Variants in RPTOR observed in about 807,000 individuals in gnomAD.
RPTOR encodes regulatory-associated protein of mTOR.
Under a neutral mutation model 169.9 loss-of-function variants are expected in RPTOR, and 21 were observed. That is an observed-to-expected ratio of 0.12 (90% CI 0.09 to 0.18). The LOEUF (loss-of-function observed/expected upper bound fraction) is 0.18. Ranked by LOEUF, RPTOR falls within the 10% of genes least tolerant of loss-of-function variation. RPTOR has a pLI of 1.00. For missense variants in RPTOR, 1,133 were observed against 1,855.9 expected, an observed-to-expected ratio of 0.61 and a Z score of 7.16; for synonymous variants, 732 against 753.2, an observed-to-expected ratio of 0.97 and a Z score of 0.46.
At chr17:80,862,954 G>A (rs527758591) in intron 13 of RPTOR, among the ~76,000 whole-genome samples, 2 of 152,310 alleles carry the variant, frequency 1.3e-5, no homozygotes, top group East Asian at 3.9e-4. Flanking sequence ...GTTTGAGAAG[G>A]ATCGGAGCCC....
intron 30 of RPTOR, 74 bp from the exon 31 acceptor site, chr17:80,961,320 T>C: frequency 3.5e-6 from 5 of 1,413,182 alleles, no homozygotes; most frequent in Non-Finnish European, 4.8e-6. Context: ...CCTGGGCAGC[T>C]CCCGGTGAGA....
At chr17:80,914,041 G>A (rs370597986) in intron 21 of RPTOR, among the ~76,000 whole-genome samples, 13 of 152,364 alleles carry the variant, frequency 8.5e-5, no homozygotes, top group South Asian at 6.2e-4. Flanking sequence ...GTGCATGTGC[G>A]CTGGCCGCTG....
At chr17:80,928,028 G>A (rs934200499) in intron 24 of RPTOR, among the ~76,000 whole-genome samples, 11 of 152,214 alleles carry the variant, frequency 7.2e-5, no homozygotes, top group African/African-American at 2.6e-4. Flanking sequence ...ATGAGTAAAT[G>A]ATTGTCTTCC....
chr17:80,778,767 C>G (rs1486037482), intron 6 of RPTOR, among the ~76,000 whole-genome samples: 1 of 152,148 alleles, frequency 6.6e-6, no homozygotes, highest in African/African-American at 2.4e-5. Context: ...CCACTGCACT[C>G]CAGCCCACAC....
chr17:80,954,790 G>A (rs1342069344), intron 28 of RPTOR, among the ~76,000 whole-genome samples: 2 of 152,276 alleles, frequency 1.3e-5, no homozygotes, highest in Non-Finnish European at 2.9e-5. Context: ...GGTGGCAGGT[G>A]CCTGTAATCC....
At position 80,947,227 on chromosome 17, in the gene RPTOR, CT is replaced by C; in HGVS notation, c.3145del (p.Trp1049GlyfsTer28). ...TTTATTCCTCTCTTCTTCCCTTAAG[CT>C]TTTGGGACTGGGAGAAAGGGGAGAA... is the stretch of plus-strand genomic sequence containing the variant. ...IAVADKDSIC[F>X]WDWEKGEKLD... is the part of the protein sequence containing the mutation. On this transcript the variant is annotated frameshift_variant and splice_region_variant, in exon 27 of 34. Coordinates refer to ENST00000306801, the MANE Select transcript of RPTOR (RefSeq NM_020761.3). LOFTEE classifies it high-confidence loss of function. This position sits in a 1 kb window ranked among gnomAD's most constrained non-coding sequence, Gnocchi z 4.4. 1 of 1,590,436 alleles carries C rather than the reference CT, an allele frequency of 6.3e-7. No individual in the cohort carries two copies. Among genetic ancestry groups the C allele is most frequent in the Non-Finnish European group, 8.5e-7 (1 of 1,171,518 alleles).
chr17:80,797,853 G>T (rs897410466), intron 7 of RPTOR, among the ~76,000 whole-genome samples: 3 of 152,112 alleles, frequency 2.0e-5, no homozygotes, highest in Non-Finnish European at 2.9e-5. Flanking sequence ...TCCCACGGGG[G>T]TCCCACCAAC....
At chr17:80,841,467 G>T (rs1291598819) in intron 10 of RPTOR, among the ~76,000 whole-genome samples, 1 of 97,282 alleles carries the variant, frequency 1.0e-5, no homozygotes, top group African/African-American at 4.3e-5. Flanking sequence ...TCACCACACG[G>T]CAGCTCACAC....
chr17:80,690,887 C>T (rs939763577), intron 3 of RPTOR, among the ~76,000 whole-genome samples: 6 of 152,142 alleles, frequency 3.9e-5, no homozygotes, highest in African/African-American at 1.2e-4. Context: ...CTCAAATTCT[C>T]GGGCCCAAGT....
In RPTOR at chr17:80,962,560, G is replaced by A. The variant is rs1476748461; in HGVS notation, c.3792G>A (p.Gln1264=). Residue 1264 remains glutamine (Q), a synonymous_variant, in exon 32 of 34, where the codon CAG becomes CAA. Transcript: ENST00000306801. ...TGACGGCCCTGGACATCCACCCCCA[G>A]GCGGACCTGATCGCATGGTAGGCGC... The part of the protein sequence containing the change: ...KGLTALDIHP[Q]ADLIACGSVN... The A allele has an allele frequency of 1.2e-6, 2 of 1,613,570 alleles. No individual in the cohort carries two copies. The highest frequency in any genetic ancestry group is 2.2e-5 in the East Asian group (1 of 44,872).
At chr17:80,747,625 GC>G (rs938594395) in intron 5 of RPTOR, among the ~76,000 whole-genome samples, 3 of 152,236 alleles carry the variant, frequency 2.0e-5, no homozygotes, top group African/African-American at 7.2e-5. Flanking sequence ...GAGGCATTGG[GC>G]CAAGCGCCCG....
chr17:80,785,230 G>A (rs1307550346), intron 6 of RPTOR, among the ~76,000 whole-genome samples: 1 of 152,140 alleles, frequency 6.6e-6, no homozygotes, highest in Non-Finnish European at 1.5e-5. Flanking sequence ...TCATTACAAA[G>A]AAAAGCTCTG....
At chr17:80,594,357 G>T (rs2065129382) in intron 1 of RPTOR, among the ~76,000 whole-genome samples, 2 of 152,210 alleles carry the variant, frequency 1.3e-5, no homozygotes, top group South Asian at 4.1e-4. Context: ...CGCCCAAAGT[G>T]CTGGGATTAC....
intron 3 of RPTOR, among the ~76,000 whole-genome samples, chr17:80,693,770 C>T (rs1250156912): frequency 6.6e-6 from 1 of 152,198 alleles, no homozygotes; most frequent in Non-Finnish European, 1.5e-5. Context: ...TGGGAAACAG[C>T]GTTTTGCCAG....
At chr17:80,742,573 C>T (rs2066492416) in intron 5 of RPTOR, among the ~76,000 whole-genome samples, 3 of 142,092 alleles carry the variant, frequency 2.1e-5, no homozygotes, top group Admixed American at 2.0e-4. Flanking sequence ...TGTATGCACA[C>T]ACATAGACAT....
chr17:80,904,262 G>C (rs567239614), intron 20 of RPTOR, among the ~76,000 whole-genome samples: 1 of 152,180 alleles, frequency 6.6e-6, no homozygotes, highest in Non-Finnish European at 1.5e-5. Flanking sequence ...GGAAGCCCTC[G>C]GCCTGGGGCA....
chr17:80,854,257 T>C (rs940619662), intron 11 of RPTOR, among the ~76,000 whole-genome samples: 1 of 152,246 alleles, frequency 6.6e-6, no homozygotes, highest in Admixed American at 6.5e-5. Context: ...GCTAGTATTG[T>C]CCCACAAGCT....
At chr17:80,700,730 A>ATGATAGAGATGG (rs2066088951) in intron 3 of RPTOR, among the ~76,000 whole-genome samples, 1 of 2,564 alleles carries the variant, frequency 3.9e-4, no homozygotes, top group Non-Finnish European at 7.7e-4. Flanking sequence ...GGTGGTGGTG[A>ATGATAGAGATGG]TGATGGTGGT....
chr17:80,614,794 T>G (rs1567820931), intron 1 of RPTOR, among the ~76,000 whole-genome samples: 2 of 152,232 alleles, frequency 1.3e-5, no homozygotes, highest in African/African-American at 4.8e-5. Context: ...TTCTGAACCA[T>G]GGACTTTATT....
Sources: gnomAD v4.1 joint callset for allele counts (sites outside exome capture counted in the v4.1 genomes callset) on GRCh38, gnomAD v4.1.1 for gene constraint, Gnocchi (gnomAD v3.1) non-coding constraint, MANE v1.5 for transcripts, NCBI Gene and HGNC (gene_info 2026-07-23, HGNC 2026-07-21) for gene names.